PCDH15: variants seen among roughly 807,000 people sequenced by gnomAD.
PCDH15 encodes protocadherin related 15.
Under a neutral mutation model 178.5 loss-of-function variants are expected in PCDH15, and 129 were observed. The observed-to-expected ratio is 0.72, with a 90% CI of 0.63 to 0.84. The LOEUF (loss-of-function observed/expected upper bound fraction) is 0.84, where lower values mean the gene tolerates loss of function less well. PCDH15 is among the 40% of genes least tolerant of loss of function. The pLI is 0.00. For synonymous variants in PCDH15, 800 were observed against 732.0 expected, an observed-to-expected ratio of 1.09 and a Z score of -1.50; for missense variants, 2,230 against 2,099.9, an observed-to-expected ratio of 1.06 and a Z score of -1.21.
chr10:55,108,806 C>G (rs1410517283), intron 2 of PCDH15, among the ~76,000 whole-genome samples: 1 of 151,932 alleles, frequency 6.6e-6, no homozygotes, highest in Admixed American at 6.6e-5. Context: ...TTGAAAAGAA[C>G]TTAGTCACGC....
At chr10:53,891,275 G>T (rs904126132) in intron 26 of PCDH15, among the ~76,000 whole-genome samples, 3 of 152,142 alleles carry the variant, frequency 2.0e-5, no homozygotes, top group African/African-American at 7.2e-5. Context: ...GATTTTCAAA[G>T]GGAGAACCAA....
intron 2 of PCDH15, among the ~76,000 whole-genome samples, chr10:55,422,041 C>T (rs1042265472): frequency 6.6e-6 from 1 of 151,534 alleles, no homozygotes; most frequent in Non-Finnish European, 1.5e-5. Flanking sequence ...ATATTTAGCC[C>T]AACCTTCAGC....
intron 3 of PCDH15, among the ~76,000 whole-genome samples, chr10:54,473,901 T>A (rs2078092104): frequency 6.6e-6 from 1 of 151,822 alleles, no homozygotes; most frequent in Non-Finnish European, 1.5e-5. Context: ...TATTATATAT[T>A]TTGTTATTTT....
intron 2 of PCDH15, among the ~76,000 whole-genome samples, chr10:54,992,130 C>T (rs1016197066): frequency 1.3e-5 from 2 of 151,872 alleles, no homozygotes; most frequent in African/African-American, 2.4e-5. Context: ...ATAATATAAA[C>T]CTCTTGAAGG....
chr10:54,447,163 C>A (rs1320489845), intron 3 of PCDH15, among the ~76,000 whole-genome samples: 1 of 151,596 alleles, frequency 6.6e-6, no homozygotes. Flanking sequence ...TTGGTTTCGA[C>A]TGAGCATCTG....
intron 21 of PCDH15, among the ~76,000 whole-genome samples, chr10:53,984,134 TTC>T (rs1491277829): frequency 0.048 from 4,602 of 96,166 alleles, 266 homozygotes; most frequent in African/African-American, 0.15. Flanking sequence ...TTTTTTTTTT[TTC>T]TTTTTTCTTT....
rs570313078 is a variant in PCDH15 at position 54,596,118 on chromosome 10, C to T, written c.91+68054G>A. Reference sequence around the variant, plus strand: ...ATTCAGAAAATGAAGAGAACTCCCACAAAGTACTTCACAAGAAGATCATCC... The same window carrying T: ...ATTCAGAAAATGAAGAGAACTCCCATAAAGTACTTCACAAGAAGATCATCC... On this transcript the variant is annotated intron_variant, in intron 2 of 37. Coordinates refer to ENST00000644397, the MANE Select transcript of PCDH15 (RefSeq NM_001384140.1). Among the ~76,000 whole-genome samples the T allele has an allele frequency of 1.2e-3, 177 of 152,176 alleles. 1 individual carries two copies. Among genetic ancestry groups the T allele is most frequent in the Non-Finnish European group, 1.8e-3 (122 of 68,012 alleles).
At chr10:54,282,157 G>A (rs923312961) in intron 8 of PCDH15, among the ~76,000 whole-genome samples, 3 of 152,022 alleles carry the variant, frequency 2.0e-5, no homozygotes, top group African/African-American at 4.8e-5. Context: ...GACAGCAGTG[G>A]TTCTCAGTTT....
At position 53,968,841 on chromosome 10, in the gene PCDH15, C is replaced by T. The variant is rs182309991; in HGVS notation, c.2869-6949G>A. Among the ~76,000 whole-genome samples, 581 of 152,216 alleles carry T rather than the reference C, an allele frequency of 3.8e-3. 3 individuals carry two copies. Among genetic ancestry groups the T allele is most frequent in the Non-Finnish European group, 4.5e-3 (307 of 68,010 alleles). ...ACAGAAAGGATATCCACACCAAAAC[C>T]CCATCTGTACATCACCATCATCAAA... On this transcript the variant is annotated intron_variant, in intron 21 of 37. Coordinates refer to ENST00000644397, the MANE Select transcript of PCDH15 (RefSeq NM_001384140.1).
intron 3 of PCDH15, among the ~76,000 whole-genome samples, chr10:54,499,581 A>G (rs2080455727): frequency 6.6e-6 from 1 of 152,196 alleles, no homozygotes; most frequent in Non-Finnish European, 1.5e-5. Context: ...CTTTGAATAA[A>G]CAATAAAATT....
intron 2 of PCDH15, among the ~76,000 whole-genome samples, chr10:55,497,286 C>G (rs947454812): frequency 6.6e-6 from 1 of 151,520 alleles, no homozygotes; most frequent in African/African-American, 2.4e-5. Flanking sequence ...CACACCATGA[C>G]GCCTGGCTGA....
intron 2 of PCDH15, among the ~76,000 whole-genome samples, chr10:54,556,153 A>G (rs977467699): frequency 6.6e-6 from 1 of 152,134 alleles, no homozygotes; most frequent in African/African-American, 2.4e-5. Flanking sequence ...CCAAAATTCT[A>G]TATTATTTTA....
chr10:54,477,177 C>G (rs974525367), intron 3 of PCDH15, among the ~76,000 whole-genome samples: 1 of 152,140 alleles, frequency 6.6e-6, no homozygotes, highest in South Asian at 2.1e-4. Flanking sequence ...GAACTCATGA[C>G]TTAAATACTA....
chr10:55,069,686 A>C (rs1841675279), intron 2 of PCDH15, among the ~76,000 whole-genome samples: 2 of 144,820 alleles, frequency 1.4e-5, no homozygotes, highest in Non-Finnish European at 3.0e-5. Flanking sequence ...ATTGTTGGAC[A>C]TTTGGCTTGG....
At chr10:53,809,501 GCTCT>G (rs2075789057) in intron 37 of PCDH15, 1 of 1,612,968 alleles carries the variant, frequency 6.2e-7, no homozygotes, top group Non-Finnish European at 8.5e-7. Context: ...TCCTCACTAG[GCTCT>G]CTAATTTCAA....
intron 2 of PCDH15, chr10:54,600,088 A>G: frequency 9.4e-7 from 1 of 1,065,788 alleles, no homozygotes; most frequent in Non-Finnish European, 1.4e-6. Flanking sequence ...CAAGGAATAG[A>G]AGGTAGAGAA....
At chr10:54,764,121 G>C (rs1050996368) in intron 1 of PCDH15, among the ~76,000 whole-genome samples, 21 of 151,890 alleles carry the variant, frequency 1.4e-4, no homozygotes, top group African/African-American at 4.8e-4. Flanking sequence ...ATTTTTTTCA[G>C]TGGTCTCTAA....
intron 23 of PCDH15, among the ~76,000 whole-genome samples, chr10:53,957,064 G>A (rs1163408479): frequency 1.3e-5 from 2 of 152,122 alleles, no homozygotes; most frequent in Non-Finnish European, 2.9e-5. Context: ...GAAGTCTAGA[G>A]GCATATTTCT....
At position 54,911,989 on chromosome 10, in the gene PCDH15, A is replaced by G. The variant is rs562715736; in HGVS notation, c.-79-14489T>C. 7.2e-5 allele frequency among the ~76,000 whole-genome samples: 11 copies of G among 152,272 alleles called. No individual in the cohort carries two copies. In the South Asian group the frequency reaches 2.1e-3, roughly 29 times the overall value. On this transcript the variant is annotated intron_variant, in intron 2 of 5. Coordinates refer to the PCDH15 transcript ENST00000458638. ...ATCCATTGGTCTTTAACTGTAGCAA[A>G]CCACATTCATCATTATTATTATTTC...
Sources: allele counts gnomAD v4.1 joint callset (sites outside exome capture counted in the v4.1 genomes callset), GRCh38; gene constraint gnomAD v4.1.1; transcripts MANE v1.5; gene names NCBI Gene and HGNC (gene_info 2026-07-23, HGNC 2026-07-21).